The following GLRB variants were observed in gnomAD, a reference collection of about 807,000 sequenced individuals.
GLRB encodes the protein glycine receptor subunit beta.
In GLRB, 33 loss-of-function variants were observed where a neutral mutation model predicts 54.2. That is an observed-to-expected ratio of 0.61 (90% CI 0.46 to 0.81). GLRB has a LOEUF of 0.81. GLRB is among the 40% of genes least tolerant of loss of function. The pLI, the probability that GLRB is intolerant of heterozygous loss-of-function variation, is 0.00. For missense variants in GLRB, 572 were observed against 584.6 expected, an observed-to-expected ratio of 0.98 and a Z score of 0.22; for synonymous variants, 209 against 208.2, an observed-to-expected ratio of 1.00 and a Z score of -0.03.
intron 4 of GLRB, among the ~76,000 whole-genome samples, chr4:157,130,937 A>G: frequency 6.6e-6 from 1 of 151,744 alleles, no homozygotes; most frequent in Non-Finnish European, 1.5e-5. Flanking sequence ...AGAATTCAAG[A>G]GACTGCAGTG....
At chr4:157,161,880 C>G (rs983995549) in intron 9 of GLRB, among the ~76,000 whole-genome samples, 1 of 152,086 alleles carries the variant, frequency 6.6e-6, no homozygotes, top group Non-Finnish European at 1.5e-5. Flanking sequence ...GTTGGCCTGC[C>G]CTGCTAGGTT....
intron 9 of GLRB, among the ~76,000 whole-genome samples, chr4:157,168,282 A>AG (rs1328519435): frequency 6.6e-6 from 1 of 152,132 alleles, no homozygotes. Flanking sequence ...AAGTGGAGTG[A>AG]GGGGGTGCAG....
intron 9 of GLRB, among the ~76,000 whole-genome samples, chr4:157,163,884 A>T (rs1211502162): frequency 1.4e-5 from 2 of 147,994 alleles, no homozygotes; most frequent in Non-Finnish European, 3.0e-5. Context: ...TTTTTATTGA[A>T]CTTAGCAGGA....
intron 2 of GLRB, among the ~76,000 whole-genome samples, chr4:157,107,381 G>A (rs915183362): frequency 6.6e-6 from 1 of 152,040 alleles, no homozygotes; most frequent in African/African-American, 2.4e-5. Flanking sequence ...TTGTCAAACG[G>A]CCAGGTTGTG....
chr4:157,082,748 C>T (rs1449388743), intron 2 of GLRB, among the ~76,000 whole-genome samples: 1 of 151,952 alleles, frequency 6.6e-6, no homozygotes, highest in Non-Finnish European at 1.5e-5. Flanking sequence ...CACTGAGGCT[C>T]TGTGATATTC....
intron 9 of GLRB, among the ~76,000 whole-genome samples, chr4:157,164,031 C>G (rs576177891): frequency 1.3e-5 from 2 of 152,162 alleles, no homozygotes; most frequent in Non-Finnish European, 1.5e-5. Flanking sequence ...CAATGGGCTA[C>G]TCTTAACACT....
chr4:157,115,788 A>G (rs1021329903), intron 2 of GLRB, among the ~76,000 whole-genome samples: 8 of 151,796 alleles, frequency 5.3e-5, no homozygotes, highest in Non-Finnish European at 1.5e-5. Context: ...CAACCAACAC[A>G]TATTACATCC....
chr4:157,130,954 A>G (rs527839273), intron 4 of GLRB, among the ~76,000 whole-genome samples: 29 of 151,886 alleles, frequency 1.9e-4, no homozygotes, highest in African/African-American at 6.0e-4. Flanking sequence ...AGTGAAAGAA[A>G]TAATGCTGAA....
At chr4:157,117,748 A>G (rs547599678) in intron 2 of GLRB, among the ~76,000 whole-genome samples, 1 of 151,834 alleles carries the variant, frequency 6.6e-6, no homozygotes, top group East Asian at 2.0e-4. Flanking sequence ...GATTGGAAGT[A>G]CTTGAACCAA....
intron 2 of GLRB, among the ~76,000 whole-genome samples, chr4:157,078,827 AG>A (rs1290189142): frequency 2.0e-5 from 3 of 152,130 alleles, no homozygotes; most frequent in Admixed American, 2.0e-4. Flanking sequence ...GCTGGAGTGC[AG>A]TGGCACAATT....
chr4:157,153,960 G>A (rs1451068546), intron 9 of GLRB, among the ~76,000 whole-genome samples: 1 of 152,156 alleles, frequency 6.6e-6, no homozygotes, highest in Non-Finnish European at 1.5e-5. Context: ...AGATGCAGAA[G>A]CAAAGGAACC....
intron 2 of GLRB, among the ~76,000 whole-genome samples, chr4:157,095,699 A>G (rs1734784589): frequency 6.6e-6 from 1 of 152,182 alleles, no homozygotes; most frequent in African/African-American, 2.4e-5. Context: ...AGCTAGGATC[A>G]TGTCTGTCTC....
intron 9 of GLRB, among the ~76,000 whole-genome samples, chr4:157,161,227 T>C (rs1737475030): frequency 6.6e-6 from 1 of 152,246 alleles, no homozygotes; most frequent in South Asian, 2.1e-4. Context: ...TGTGTGTCTC[T>C]GCACATGAGA....
At chr4:157,129,951 G>A (rs1736152264) in intron 4 of GLRB, among the ~76,000 whole-genome samples, 1 of 151,510 alleles carries the variant, frequency 6.6e-6, no homozygotes. Context: ...ATTTTTTGAA[G>A]CAAAAAAGCA....
chr4:157,126,026 C>G (rs893654540), intron 4 of GLRB, among the ~76,000 whole-genome samples: 1 of 151,754 alleles, frequency 6.6e-6, no homozygotes, highest in East Asian at 1.9e-4. Context: ...GAACACAGAG[C>G]CTGGGAGTAG....
Position 157,143,821 on chromosome 4 carries a change from G to A in GLRB, c.766G>A (p.Val256Met), listed in dbSNP as rs144334540. 42 of 1,613,234 alleles carry A rather than the reference G, an allele frequency of 2.6e-5. No individual in the cohort carries two copies. Among genetic ancestry groups the A allele is most frequent in the Non-Finnish European group, 2.8e-5 (33 of 1,179,876 alleles). ...YYKGTGYYTC[V>M]EVIFTLRRQV... The stretch of plus-strand genomic sequence containing the variant: ...GCTTCTGAAAGGCTACTACACATGC[G>A]TGGAAGTCATCTTCACCCTGAGGAG... The change falls in exon 8 of 10, where the codon GTG (valine) becomes ATG (methionine). Residue 256 changes from valine to methionine, a missense_variant. Val to Met is a conservative substitution (Grantham distance 21). Coordinates refer to ENST00000264428, the MANE Select transcript of GLRB (RefSeq NM_000824.5).
intron 2 of GLRB, among the ~76,000 whole-genome samples, chr4:157,093,841 G>A (rs936495451): frequency 2.0e-5 from 3 of 151,154 alleles, no homozygotes; most frequent in African/African-American, 7.3e-5. Flanking sequence ...TCTTCAGAGA[G>A]AGAAAAGTGA....
At chr4:157,103,157 C>CAAA (rs1436563927) in intron 2 of GLRB, among the ~76,000 whole-genome samples, 1 of 104,590 alleles carries the variant, frequency 9.6e-6, no homozygotes, top group Non-Finnish European at 2.1e-5. Flanking sequence ...CTCAAAAAAA[C>CAAA]AAAAAAAAAA....
At chr4:157,114,901 C>A (rs1023903290) in intron 2 of GLRB, among the ~76,000 whole-genome samples, 1 of 151,664 alleles carries the variant, frequency 6.6e-6, no homozygotes, top group Non-Finnish European at 1.5e-5. Context: ...GAGGAGAGTG[C>A]CCGTGGAGTT....
Sources: gnomAD v4.1 joint callset for allele counts (sites outside exome capture counted in the v4.1 genomes callset) on GRCh38, gnomAD v4.1.1 for gene constraint, MANE v1.5 for transcripts, NCBI Gene and HGNC (gene_info 2026-07-23, HGNC 2026-07-21) for gene names.